Variants in MAPRE2 observed in about 807,000 individuals in gnomAD.
MAPRE2 encodes the protein microtubule-associated protein RP/EB family member 2.
A neutral mutation model predicts 43.2 loss-of-function variants in MAPRE2; 13 were observed. The ratio of observed to expected loss-of-function variants is 0.30; its 90% CI spans 0.20 to 0.48. MAPRE2 has a LOEUF of 0.48. MAPRE2 is among the 20% of genes least tolerant of loss of function. The pLI is 0.99. For synonymous variants in MAPRE2, 135 were observed against 148.8 expected (o/e 0.91, Z 0.68); for missense variants, 161 against 400.2 (o/e 0.40, Z 5.10).
chr18:35,087,462 T>C (rs1568998631), intron 2 of MAPRE2, among the ~76,000 whole-genome samples: 2 of 152,222 alleles, frequency 1.3e-5, no homozygotes, highest in African/African-American at 4.8e-5. Flanking sequence ...TCTGCAGACT[T>C]GGTCTCTAGG....
chr18:35,018,807 G>A, intron 2 of MAPRE2, among the ~76,000 whole-genome samples: 1 of 150,962 alleles, frequency 6.6e-6, no homozygotes, highest in East Asian at 1.9e-4. Flanking sequence ...TGGATTTTTG[G>A]GTCTCAATTT....
At chr18:35,120,288 C>A (rs1386272837) in intron 4 of MAPRE2, among the ~76,000 whole-genome samples, 1 of 152,194 alleles carries the variant, frequency 6.6e-6, no homozygotes, top group Non-Finnish European at 1.5e-5. Context: ...GAGGACTGCC[C>A]ACTCTTAAGA....
At chr18:35,115,481 A>T (rs1397809016) in intron 4 of MAPRE2, among the ~76,000 whole-genome samples, 1 of 152,180 alleles carries the variant, frequency 6.6e-6, no homozygotes, top group Non-Finnish European at 1.5e-5. Flanking sequence ...AGCAGTATAC[A>T]CTGTACCCAA....
intron 1 of MAPRE2, among the ~76,000 whole-genome samples, chr18:35,067,666 A>C (rs1906902210): frequency 6.6e-6 from 1 of 152,102 alleles, no homozygotes; most frequent in Non-Finnish European, 1.5e-5. Flanking sequence ...CCATCAGTAC[A>C]TTGCCCGGTA....
chr18:35,115,757 T>C (rs1039337651), intron 4 of MAPRE2, among the ~76,000 whole-genome samples: 1 of 152,254 alleles, frequency 6.6e-6, no homozygotes, highest in African/African-American at 2.4e-5. Flanking sequence ...ACATTCTCTT[T>C]ATCCACTCAT....
chr18:35,048,218 T>C (rs1268560836), intron 1 of MAPRE2, among the ~76,000 whole-genome samples: 2 of 151,918 alleles, frequency 1.3e-5, no homozygotes, highest in Non-Finnish European at 2.9e-5. Flanking sequence ...GCCACACACT[T>C]TTAGGCAACC....
chr18:35,064,691 T>A (rs556680812), intron 1 of MAPRE2, among the ~76,000 whole-genome samples: 1 of 152,278 alleles, frequency 6.6e-6, no homozygotes, highest in East Asian at 1.9e-4. Context: ...TCAGGTCTCA[T>A]TGACTCACAT....
At chr18:35,079,618 C>T (rs966143314) in intron 2 of MAPRE2, among the ~76,000 whole-genome samples, 6 of 152,130 alleles carry the variant, frequency 3.9e-5, no homozygotes, top group East Asian at 1.9e-4. Context: ...TGGTAGCAGA[C>T]ACTGTGCTAG....
At chr18:35,081,433 C>G (rs1907625631) in intron 2 of MAPRE2, among the ~76,000 whole-genome samples, 1 of 152,156 alleles carries the variant, frequency 6.6e-6, no homozygotes, top group East Asian at 1.9e-4. Flanking sequence ...TTATGTGGTG[C>G]CTGAATGTGA....
chr18:35,023,748 CA>C (rs2097043381), intron 2 of MAPRE2, among the ~76,000 whole-genome samples: 2 of 151,712 alleles, frequency 1.3e-5, no homozygotes, highest in Admixed American at 6.6e-5. Context: ...GAATATGAAG[CA>C]AAGATGAATA....
At chr18:35,070,098 G>A (rs1907032637) in intron 1 of MAPRE2, 97 bp from the exon 2 acceptor site, 1 of 992,680 alleles carries the variant, frequency 1.0e-6, no homozygotes, top group Non-Finnish European at 1.5e-6. Flanking sequence ...ACTTTTACAT[G>A]CCCTGGAGTC....
intron 2 of MAPRE2, among the ~76,000 whole-genome samples, chr18:35,014,283 C>T (rs576107218): frequency 7.9e-5 from 12 of 151,786 alleles, no homozygotes; most frequent in South Asian, 6.2e-4. Context: ...TGAATAATGA[C>T]GGAACCCAAA....
intron 1 of MAPRE2, among the ~76,000 whole-genome samples, chr18:34,985,067 A>ATATT (rs1568961170): frequency 7.0e-4 from 62 of 89,176 alleles, no homozygotes; most frequent in African/African-American, 3.0e-3. Flanking sequence ...TAATATATAA[A>ATATT]ATAAAATATA....
intron 1 of MAPRE2, among the ~76,000 whole-genome samples, chr18:34,989,276 G>A (rs2150573811): frequency 6.6e-6 from 1 of 152,224 alleles, no homozygotes; most frequent in South Asian, 2.1e-4. Flanking sequence ...TGTTCCCTTA[G>A]CATTTGTAAT....
At chr18:34,981,046 A>G (rs1463127070) in intron 1 of MAPRE2, among the ~76,000 whole-genome samples, 1 of 152,082 alleles carries the variant, frequency 6.6e-6, no homozygotes, top group Non-Finnish European at 1.5e-5. Context: ...GCTTAGAAAA[A>G]GAACTGGGGA....
chr18:35,100,408 G>A (rs1908621189), intron 3 of MAPRE2, among the ~76,000 whole-genome samples: 1 of 152,066 alleles, frequency 6.6e-6, no homozygotes, highest in African/African-American at 2.4e-5. Context: ...GCAATGTGGC[G>A]ATTCCTCAAA....
At chr18:35,037,135 T>C (rs1180299593), upstream of MAPRE2, among the ~76,000 whole-genome samples, 1 of 150,182 alleles carries the variant, frequency 6.7e-6, no homozygotes, top group Middle Eastern at 3.2e-3. Flanking sequence ...CCTACAACAC[T>C]GAGAGTTCCT....
At position 35,015,703 on chromosome 18, in the gene MAPRE2, G is replaced by A. The variant is rs367956831; in HGVS notation, c.-8+10150G>A. The stretch of plus-strand genomic sequence containing the variant: ...GTATTTTTGCCTTTAAGCCCTGGTT[G>A]GGAAGAATTTTTTCCTTTCTACAGT... On this transcript the variant is annotated intron_variant, in intron 2 of 7. Transcript: ENST00000413393. Among the ~76,000 whole-genome samples the A allele has an allele frequency of 1.0e-4, 15 of 148,802 alleles. 1 individual carries two copies. Among genetic ancestry groups the A allele is most frequent in the Admixed American group, 4.7e-4 (7 of 14,880 alleles).
At chr18:35,018,500 G>T (rs2097039885) in intron 2 of MAPRE2, among the ~76,000 whole-genome samples, 1 of 149,094 alleles carries the variant, frequency 6.7e-6, no homozygotes. Context: ...ATTCAATTTT[G>T]GAACTTGATA....
Sources: gnomAD v4.1 joint callset for allele counts (sites outside exome capture counted in the v4.1 genomes callset) on GRCh38, gnomAD v4.1.1 for gene constraint, MANE v1.5 for transcripts, NCBI Gene and HGNC (gene_info 2026-07-23, HGNC 2026-07-21) for gene names.